Variants in METTL3 observed in about 807,000 individuals in gnomAD.
METTL3 encodes N(6)-adenosine-methyltransferase catalytic subunit METTL3.
METTL3 carries 42 observed loss-of-function variants against 64.3 expected under a neutral mutation model. The observed-to-expected ratio is 0.65, with a 90% CI of 0.51 to 0.84. The LOEUF is 0.84. Among genes scored for constraint, METTL3 ranks in the 40% least tolerant of loss-of-function variants. METTL3 has a pLI of 0.00. For missense variants in METTL3, 435 were observed against 722.3 expected (o/e 0.60, Z 4.56); for synonymous variants, 256 against 263.6 (o/e 0.97, Z 0.28).
At chr14:21,500,830 A>G in intron 5 of METTL3, 83 bp downstream of exon 5, 1 of 1,454,378 alleles carries the variant, frequency 6.9e-7, no homozygotes, top group Non-Finnish European at 9.4e-7. Flanking sequence ...TTGCTGAATT[A>G]TGCTCTGCTT....
intron 1 of METTL3, among the ~76,000 whole-genome samples, chr14:21,508,951 C>T (rs1317330156): frequency 6.6e-6 from 1 of 152,130 alleles, no homozygotes; most frequent in Non-Finnish European, 1.5e-5. Context: ...CAACAAACAA[C>T]ACCACAGATA....
chr14:21,502,533 T>C (rs1042451786), intron 3 of METTL3: 1 of 154,238 alleles, frequency 6.5e-6, no homozygotes, highest in Non-Finnish European at 1.4e-5. Flanking sequence ...CTAAAAAGTA[T>C]AGTGCTAAAC....
chr14:21,498,688 AG>A (rs1041447289), intron 10 of METTL3: 3 of 474,008 alleles, frequency 6.3e-6, no homozygotes, highest in Admixed American at 7.5e-5. Context: ...AGCTCTGTTA[AG>A]GGGTGAAAGA....
At position 21,511,241 on chromosome 14, in the gene METTL3, G is replaced by A; in HGVS notation, c.-18C>T. On this transcript the variant is annotated 5_prime_UTR_variant, in exon 1 of 11. Transcript: ENST00000298717. ...TCCGACATCCTAGTCTCCCAGCCCTGACACCTCTCGAATAAGGCGCGGCGG... is the reference window on the plus strand; with the variant it reads ...TCCGACATCCTAGTCTCCCAGCCCTAACACCTCTCGAATAAGGCGCGGCGG... 1 of 1,610,468 alleles carries A rather than the reference G, an allele frequency of 6.2e-7. No individual in the cohort carries two copies. The highest frequency in any genetic ancestry group is 8.5e-7 in the Non-Finnish European group (1 of 1,178,470).
Position 21,503,045 on chromosome 14 carries a change from G to C in METTL3, c.723+128C>G, listed in dbSNP as rs1891607845. ...GACATTACCAGATCCCCTGGGAGTTGGGCAGTAGGGAATCATCCCCAGTTG... is the reference window on the plus strand; with the variant it reads ...GACATTACCAGATCCCCTGGGAGTTCGGCAGTAGGGAATCATCCCCAGTTG... On this transcript the variant is annotated intron_variant, in intron 3 of 10. Coordinates refer to ENST00000298717, the MANE Select transcript of METTL3 (RefSeq NM_019852.5). 1.3e-5 allele frequency: 13 copies of C among 1,010,812 alleles called. No homozygotes were observed. The South Asian group carries it at 1.9e-4, about 15-fold the overall frequency. 62.6% of individuals were successfully genotyped at this position (1,010,812 alleles called of 1,614,324 possible).
intron 1 of METTL3, among the ~76,000 whole-genome samples, chr14:21,506,410 C>T (rs750204679): frequency 6.6e-6 from 1 of 151,910 alleles, no homozygotes; most frequent in African/African-American, 2.4e-5. Flanking sequence ...AAAAATTAGC[C>T]GGACGTGGTG....
intron 6 of METTL3, among the ~76,000 whole-genome samples, chr14:21,500,066 GA>G (rs1451742661): frequency 2.0e-5 from 3 of 151,992 alleles, no homozygotes; most frequent in African/African-American, 7.2e-5. Flanking sequence ...GGACTCAGTA[GA>G]AAAAAAGACT....
At chr14:21,506,848 C>G (rs548689697) in intron 1 of METTL3, among the ~76,000 whole-genome samples, 2 of 152,246 alleles carry the variant, frequency 1.3e-5, no homozygotes, top group South Asian at 4.1e-4. Flanking sequence ...ATGGCAAAAC[C>G]CTGTTGGGCG....
chr14:21,508,088 C>G (rs1488574544), intron 1 of METTL3: 1 of 151,994 alleles, frequency 6.6e-6, no homozygotes, highest in African/African-American at 2.4e-5. Context: ...GGCCCTGTTT[C>G]TACAAAGAAA....
intron 1 of METTL3, chr14:21,510,610 A>G (rs17106876): frequency 0.043 from 6,575 of 152,478 alleles, 488 homozygotes; most frequent in African/African-American, 0.15. Flanking sequence ...GGCTAAGTCA[A>G]TGCCGGTAGG....
intron 1 of METTL3, chr14:21,509,701 A>C (rs1236702056): frequency 6.6e-6 from 1 of 152,234 alleles, no homozygotes; most frequent in Non-Finnish European, 1.5e-5. Context: ...GCTATCTCAA[A>C]AACAAAAGCA....
intron 10 of METTL3, chr14:21,498,763 C>G (rs1246459313): frequency 8.2e-6 from 4 of 490,500 alleles, no homozygotes; most frequent in Non-Finnish European, 1.5e-5. Context: ...CAATACATCA[C>G]AGAATGGCTG....
At chr14:21,510,941 A>C (rs1891820070) in intron 1 of METTL3, 183 bp downstream of exon 1, 3 of 637,396 alleles carry the variant, frequency 4.7e-6, no homozygotes, top group Admixed American at 3.4e-5. Context: ...CAGCGTGAGG[A>C]GGAACCGCGA....
rs140199045 is a variant in METTL3 at position 21,500,431 on chromosome 14, T to C, written c.1304+64A>G. Reference sequence around the variant, plus strand: ...GGGGCTAGGAAAACCCAGGATTTTATCTCCCATTCAGTATTCACTCTTGTA... The same window carrying C: ...GGGGCTAGGAAAACCCAGGATTTTACCTCCCATTCAGTATTCACTCTTGTA... On this transcript the variant is annotated intron_variant, in intron 6 of 10. Transcript: ENST00000298717. 53 of 1,519,496 alleles carry C rather than the reference T, an allele frequency of 3.5e-5. No individual in the cohort carries two copies. The East Asian group carries it at 6.5e-4, about 19-fold the overall frequency. 94.1% of individuals were successfully genotyped at this position (1,519,496 alleles called of 1,614,324 possible). A position where few individuals can be genotyped will look rare whatever the true frequency, so the allele number is the denominator to read the frequency against.
At chr14:21,503,124 A>ATTTGAC in intron 3 of METTL3, 49 bp downstream of exon 3, 1 of 1,545,756 alleles carries the variant, frequency 6.5e-7, no homozygotes, top group Non-Finnish European at 8.7e-7. Flanking sequence ...CTGTCAAACA[A>ATTTGAC]AGCTATAATT....
In METTL3 at chr14:21,498,203, AG is replaced by A. The variant is rs1429279021; in HGVS notation, c.*54del. 3 of 986,270 alleles carry A rather than the reference AG, an allele frequency of 3.0e-6. No individual in the cohort carries two copies. The highest frequency in any genetic ancestry group is 4.9e-6 in the Non-Finnish European group (3 of 613,504). 61.1% of individuals were successfully genotyped at this position (986,270 alleles called of 1,614,324 possible). A position where few individuals can be genotyped will look rare whatever the true frequency, so the allele number is the denominator to read the frequency against. On this transcript the variant is annotated 3_prime_UTR_variant, in exon 11 of 11. Transcript: ENST00000298717. Reference sequence around the variant, plus strand: ...AGCTATTGTACAAATATCACTCTTCAGGTTTAGCTTACAGAGCCATGGCTAT... The same window carrying A: ...AGCTATTGTACAAATATCACTCTTCAGTTTAGCTTACAGAGCCATGGCTAT...
Position 21,511,311 on chromosome 14 carries a change from C to T in METTL3, c.-88G>A. ...CGCTCCAGGATATAGCCAATTCTCA[C>T]GCGGACACCCCGAAGGCTAACCGGA... On this transcript the variant is annotated 5_prime_UTR_variant, in exon 1 of 11. In the 5' UTR this introduces an upstream ATG that the reference lacks. Coordinates refer to ENST00000298717, the MANE Select transcript of METTL3 (RefSeq NM_019852.5). The T allele has an allele frequency of 7.3e-6, 11 of 1,504,848 alleles. No individual in the cohort carries two copies. The highest frequency in any genetic ancestry group is 2.8e-5 in the African/African-American group (2 of 71,648). 93.2% of individuals were successfully genotyped at this position (1,504,848 alleles called of 1,614,324 possible). A position where few individuals can be genotyped will look rare whatever the true frequency, so the allele number is the denominator to read the frequency against.
Position 21,501,099 on chromosome 14 carries a change from AG to A in METTL3, c.929del (p.Ser310PhefsTer2). ...RRIINKHTDE[S>X]LGDCSFLNTC... ...TATTAAGGAAAGAGCAGTCACCTAA[AG>A]ACTCATCAGTGTGTTTATTGATAAT... On this transcript the variant is annotated frameshift_variant, in exon 5 of 11. Transcript: ENST00000298717. LOFTEE classifies it high-confidence loss of function. The A allele has an allele frequency of 6.2e-7, 1 of 1,613,900 alleles. No homozygotes were observed. Among genetic ancestry groups the A allele is most frequent in the Non-Finnish European group, 8.5e-7 (1 of 1,179,944 alleles).
chr14:21,503,328 A>C lies in METTL3; in HGVS notation c.568T>G (p.Phe190Val). 6.2e-7 allele frequency: 1 copy of C among 1,614,166 alleles called. No homozygotes were observed. The highest frequency in any genetic ancestry group is 1.3e-5 in the African/African-American group (1 of 75,038). Residue 190 changes from phenylalanine to valine, a missense_variant, in exon 3 of 11, where the codon TTT (phenylalanine) becomes GTT (valine). Around this residue, in one of 9 missense-constraint regions of METTL3, gnomAD observed 228 missense variants for 279.6 expected, o/e 0.82. Coordinates refer to ENST00000298717, the MANE Select transcript of METTL3 (RefSeq NM_019852.5). ...AEQDSTTVAAFASSLVSGLNS... is the reference protein window; with the variant it reads ...AEQDSTTVAAVASSLVSGLNS... The stretch of plus-strand genomic sequence containing the variant: ...AGACCAGAGACTAACGAACTGGCAA[A>C]GGCAGCTACTGTAGTCGAGTCCTGT...
Sources: allele counts gnomAD v4.1 joint callset (sites outside exome capture counted in the v4.1 genomes callset), GRCh38; gene constraint gnomAD v4.1.1; regional missense constraint gnomAD v4.1.1; transcripts MANE v1.5; gene names NCBI Gene and HGNC (gene_info 2026-07-23, HGNC 2026-07-21).